ALOX5: variants seen among roughly 807,000 people sequenced by gnomAD.
ALOX5 encodes the protein polyunsaturated fatty acid 5-lipoxygenase.
A neutral mutation model predicts 87.9 loss-of-function variants in ALOX5; 64 were observed. The ratio of observed to expected loss-of-function variants is 0.73; its 90% CI spans 0.60 to 0.90. The LOEUF is 0.90. ALOX5 is among the 40% of genes least tolerant of loss of function. The pLI is 0.00. For missense variants in ALOX5, 822 were observed against 907.5 expected (o/e 0.91, Z 1.21); for synonymous variants, 388 against 355.1 (o/e 1.09, Z -1.04).
intron 3 of ALOX5, among the ~76,000 whole-genome samples, chr10:45,399,154 G>A (rs1357416527): frequency 2.0e-5 from 3 of 152,180 alleles, no homozygotes; most frequent in Non-Finnish European, 4.4e-5. Context: ...CAACATGGAT[G>A]AATCTCAAAA....
intron 4 of ALOX5, among the ~76,000 whole-genome samples, chr10:45,422,113 G>T (rs757939875): frequency 6.6e-6 from 1 of 152,082 alleles, no homozygotes; most frequent in Non-Finnish European, 1.5e-5. Context: ...CCCTAGACCT[G>T]GCAGGGCAGG....
chr10:45,380,276 A>G (rs1839780995), intron 1 of ALOX5, among the ~76,000 whole-genome samples: 1 of 152,224 alleles, frequency 6.6e-6, no homozygotes. Flanking sequence ...GACCCAAGAC[A>G]TGTCATCCCA....
At chr10:45,409,041 A>G (rs1260528781) in intron 3 of ALOX5, among the ~76,000 whole-genome samples, 1 of 152,248 alleles carries the variant, frequency 6.6e-6, no homozygotes, top group African/African-American at 2.4e-5. Context: ...ATGTGTAAAC[A>G]GACTGTCACC....
intron 1 of ALOX5, among the ~76,000 whole-genome samples, chr10:45,381,856 G>C (rs892689): frequency 1 from 151,970 of 152,370 alleles, 75,789 homozygotes; most frequent in Middle Eastern, 1. Flanking sequence ...AATGTCTTGG[G>C]TAAATGAATT....
At position 45,434,142 on chromosome 10, in the gene ALOX5, G is replaced by T. The variant is rs558688976; in HGVS notation, c.981+5378G>T. The stretch of plus-strand genomic sequence containing the variant: ...CCATGCCCTGTTGCGGGGCTGGGGG[G>T]CTACAGTGCCCTAAGAGGAGGCCCC... On this transcript the variant is annotated intron_variant, in intron 7 of 13. Transcript: ENST00000374391. 2.0e-5 allele frequency among the ~76,000 whole-genome samples: 3 copies of T among 152,226 alleles called. No homozygotes were observed. The East Asian group carries it at 5.8e-4, about 29-fold the overall frequency.
At chr10:45,433,794 G>A (rs371999171) in intron 7 of ALOX5, among the ~76,000 whole-genome samples, 28 of 152,248 alleles carry the variant, frequency 1.8e-4, no homozygotes, top group African/African-American at 5.3e-4. Context: ...GCTTGTGGGC[G>A]GGACTTCCCC....
chr10:45,428,549 CTT>C, intron 6 of ALOX5, 67 bp from the exon 7 acceptor site: 2 of 1,592,884 alleles, frequency 1.3e-6, no homozygotes, highest in South Asian at 1.1e-5. Flanking sequence ...GGTCATCACT[CTT>C]TCCCCAGGCC....
In ALOX5 at chr10:45,404,477, ACT is replaced by A. The variant is rs764234826; in HGVS notation, c.432-7712_432-7711del. On this transcript the variant is annotated intron_variant, in intron 3 of 13. Coordinates refer to ENST00000374391, the MANE Select transcript of ALOX5 (RefSeq NM_000698.5). The stretch of plus-strand genomic sequence containing the variant: ...CCACATCTGTCTGTGTTACATGCAC[ACT>A]CACACACAGCAGTAAATGGCAAAGT... Among the ~76,000 whole-genome samples the A allele has an allele frequency of 1.1e-4, 16 of 152,338 alleles. No individual in the cohort carries two copies. The East Asian group carries it at 2.3e-3, about 22-fold the overall frequency.
intron 7 of ALOX5, among the ~76,000 whole-genome samples, chr10:45,433,895 C>T (rs987139355): frequency 1.3e-5 from 2 of 152,156 alleles, no homozygotes; most frequent in South Asian, 2.1e-4. Context: ...GCCAGTGGAT[C>T]GGTTTGGTGG....
intron 3 of ALOX5, among the ~76,000 whole-genome samples, chr10:45,409,836 AT>A (rs899504216): frequency 1.3e-5 from 2 of 152,214 alleles, no homozygotes; most frequent in Non-Finnish European, 2.9e-5. Flanking sequence ...GGACATAAAC[AT>A]TTGGTTTCAG....
At position 45,428,773 on chromosome 10, in the gene ALOX5, C is replaced by T. The variant is rs1177150106; in HGVS notation, c.981+9C>T. The T allele has an allele frequency of 1.9e-6, 3 of 1,613,402 alleles. No homozygotes were observed. The highest frequency in any genetic ancestry group is 2.7e-5 in the African/African-American group (2 of 74,896). The stretch of plus-strand genomic sequence containing the variant: ...TCCCCATTGCCATCCAGGTAGGCTG[C>T]TGGGGGGCACACCTTTCTGAGCAGC... On this transcript the variant is annotated intron_variant, in intron 7 of 13. Coordinates refer to ENST00000374391, the MANE Select transcript of ALOX5 (RefSeq NM_000698.5).
chr10:45,421,832 T>C (rs1198838546), intron 4 of ALOX5, among the ~76,000 whole-genome samples: 2 of 152,188 alleles, frequency 1.3e-5, no homozygotes, highest in African/African-American at 2.4e-5. Context: ...ACCTACTGTA[T>C]GCAGCCCATC....
In ALOX5 at chr10:45,444,176, G is replaced by A. The variant is rs1298958485; in HGVS notation, c.1735G>A (p.Ala579Thr). Residue 579 changes from alanine (A) to threonine (T), a missense_variant, in exon 13 of 14, where the codon GCC becomes ACC. Ala to Thr is a moderately conservative substitution (Grantham distance 58). Transcript: ENST00000374391. The part of the protein sequence containing the change: ...PPTMRAPPPT[A>T]KGVVTIEQIV... The stretch of plus-strand genomic sequence containing the variant: ...AACCATGCGAGCCCCGCCACCGACT[G>A]CCAAGGGCGTGGTGACCATTGAGCA... The A allele has an allele frequency of 2.6e-6, 4 of 1,557,060 alleles. No homozygotes were observed. The highest frequency in any genetic ancestry group is 2.6e-6 in the Non-Finnish European group (3 of 1,150,520).
intron 3 of ALOX5, among the ~76,000 whole-genome samples, chr10:45,408,217 G>A (rs183296063): frequency 6.6e-6 from 1 of 152,288 alleles, no homozygotes; most frequent in African/African-American, 2.4e-5. Flanking sequence ...AAATATGAGT[G>A]ACCAGTGGCC....
intron 2 of ALOX5, among the ~76,000 whole-genome samples, chr10:45,391,249 C>T (rs868564191): frequency 4.6e-5 from 7 of 151,986 alleles, no homozygotes; most frequent in South Asian, 2.1e-4. Flanking sequence ...CGCACCGCCA[C>T]GCCTGACTGT....
At position 45,382,522 on chromosome 10, in the gene ALOX5, G is replaced by A. The variant is rs143978950; in HGVS notation, c.190G>A (p.Glu64Lys). 147 of 1,614,190 alleles carry A rather than the reference G, an allele frequency of 9.1e-5. 1 individual carries two copies. In the South Asian group the frequency reaches 9.7e-4, roughly 11 times the overall value. Reference protein sequence around the residue: ...YDVTVDEELGEIQLVRIEKRK... With the variant: ...YDVTVDEELGKIQLVRIEKRK... ...CGTGACTGTGGACGAGGAACTGGGC[G>A]AGATCCAGCTGGTCAGAATCGAGAA... is the stretch of plus-strand genomic sequence containing the variant. Residue 64 changes from glutamate to lysine, a missense_variant, in exon 2 of 14, where the codon GAG becomes AAG. Physicochemically the swap from Glu to Lys is moderately conservative, Grantham distance 56. Transcript: ENST00000374391.
Position 45,445,677 on chromosome 10 carries a change from T to C in ALOX5, c.2015T>C (p.Val672Ala). Reference protein sequence around the residue: ...YLSPDRIPNSVAI With the variant: ...YLSPDRIPNSAAI ...TCCCCAGACCGGATTCCGAACAGTG[T>C]GGCCATCTGAGCACACTGCCAGTCT... is the stretch of plus-strand genomic sequence containing the variant. Residue 672 changes from valine to alanine, a missense_variant, in exon 14 of 14, where the codon GTG (valine) becomes GCG (alanine). Transcript: ENST00000374391. The C allele has an allele frequency of 6.2e-7, 1 of 1,612,730 alleles. No individual in the cohort carries two copies. Among genetic ancestry groups the C allele is most frequent in the Non-Finnish European group, 8.5e-7 (1 of 1,179,072 alleles).
At position 45,393,148 on chromosome 10, in the gene ALOX5, C is replaced by A. The variant is rs540160948; in HGVS notation, c.350-2707C>A. Among the ~76,000 whole-genome samples, 33 of 151,116 alleles carry A rather than the reference C, an allele frequency of 2.2e-4. No homozygotes were observed. In the South Asian group the frequency reaches 6.5e-3, roughly 30 times the overall value. On this transcript the variant is annotated intron_variant, in intron 2 of 13. Coordinates refer to ENST00000374391, the MANE Select transcript of ALOX5 (RefSeq NM_000698.5). ...TACCAAAGCCTGGCAGATACACACACAAAAAAAACAATTTTAGACCAATAT... is the reference window on the plus strand; with the variant it reads ...TACCAAAGCCTGGCAGATACACACAAAAAAAAAACAATTTTAGACCAATAT...
chr10:45,440,710 A>AGGG (rs1254476727), intron 8 of ALOX5, 77 bp downstream of exon 8: 1 of 1,491,714 alleles, frequency 6.7e-7, no homozygotes, highest in African/African-American at 1.4e-5. Context: ...GACATCCCAC[A>AGGG]GGGGGACCTG....
Sources: gnomAD v4.1 joint callset for allele counts (sites outside exome capture counted in the v4.1 genomes callset) on GRCh38, gnomAD v4.1.1 for gene constraint, MANE v1.5 for transcripts, NCBI Gene and HGNC (gene_info 2026-07-23, HGNC 2026-07-21) for gene names.